COMMD4: variants seen among roughly 807,000 people sequenced by gnomAD.
COMMD4 encodes COMM domain containing 4.
Under a neutral mutation model 27.5 loss-of-function variants are expected in COMMD4, and 18 were observed. The ratio of observed to expected loss-of-function variants is 0.65; its 90% CI spans 0.45 to 0.97. The LOEUF (loss-of-function observed/expected upper bound fraction) is 0.97. COMMD4 is among the 50% of genes least tolerant of loss of function. The pLI is 0.00. For missense variants in COMMD4, 243 were observed against 250.0 expected (o/e 0.97, Z 0.19); for synonymous variants, 108 against 108.4 (o/e 1.00, Z 0.02).
At position 75,339,252 on chromosome 15, in the gene COMMD4, T is replaced by C; in HGVS notation, c.302-12T>C. On this transcript the variant is annotated splice_polypyrimidine_tract_variant and intron_variant, in intron 5 of 7. Coordinates refer to ENST00000267935, the MANE Select transcript of COMMD4 (RefSeq NM_017828.5). ...ACATGCTACCTCCAGAGCTACTCCATTCTACCCCCAGAGCACGCGGCCAGC... is the reference window on the plus strand; with the variant it reads ...ACATGCTACCTCCAGAGCTACTCCACTCTACCCCCAGAGCACGCGGCCAGC... The C allele has an allele frequency of 6.2e-7, 1 of 1,612,214 alleles. No individual in the cohort carries two copies.
rs1471390894 is a variant in COMMD4 at position 75,339,982 on chromosome 15, A to G, written c.577A>G (p.Thr193Ala). The change falls in exon 8 of 8, where the codon ACC (threonine) becomes GCC (alanine). Residue 193 changes from threonine to alanine, a missense_variant. Coordinates refer to ENST00000267935, the MANE Select transcript of COMMD4 (RefSeq NM_017828.5). ...VLLAELKQAQ[T>A]LMSSLG is the part of the protein sequence containing the mutation. ...CTCTGCAGAACTGAAGCAGGCCCAG[A>G]CCCTGATGAGCTCCCTGGGCTGAGG... 7.4e-6 allele frequency: 12 copies of G among 1,614,010 alleles called. No homozygotes were observed. Among genetic ancestry groups the G allele is most frequent in the Non-Finnish European group, 9.3e-6 (11 of 1,179,978 alleles).
downstream of COMMD4, chr15:75,342,712 T>C (rs910515293): frequency 9.9e-5 from 15 of 152,168 alleles, no homozygotes; most frequent in African/African-American, 3.6e-4. Flanking sequence ...CAGTTAATAA[T>C]GATGTATACT....
Position 75,339,767 on chromosome 15 carries a change from G to A in COMMD4, c.448G>A (p.Val150Met), listed in dbSNP as rs924476864. Reference sequence around the variant, plus strand: ...CCTGAGCTCCAGCCTGCTGCAATCCGTGGAAGAGCCCATGGTGCACCTGCG... The same window carrying A: ...CCTGAGCTCCAGCCTGCTGCAATCCATGGAAGAGCCCATGGTGCACCTGCG... Reference protein sequence around the residue: ...YTLSSSLLQSVEEPMVHLRLE... With the variant: ...YTLSSSLLQSMEEPMVHLRLE... The change falls in exon 7 of 8, where the codon GTG becomes ATG. Residue 150 changes from valine to methionine, a missense_variant. Coordinates refer to ENST00000267935, the MANE Select transcript of COMMD4 (RefSeq NM_017828.5). The A allele has an allele frequency of 8.1e-6, 13 of 1,613,888 alleles. No homozygotes were observed. Among genetic ancestry groups the A allele is most frequent in the African/African-American group, 4.0e-5 (3 of 74,932 alleles).
chr15:75,338,734 G>T lies in COMMD4; in HGVS notation c.181+49G>T, dbSNP rs561062451. On this transcript the variant is annotated intron_variant, in intron 4 of 7. Coordinates refer to ENST00000267935, the MANE Select transcript of COMMD4 (RefSeq NM_017828.5). ...GGCCCCAGGCAACCCTGGGAACTTG[G>T]CCTGGTGCCTGGTACAGAGGGGCCC... 44 of 1,590,270 alleles carry T rather than the reference G, an allele frequency of 2.8e-5. No individual in the cohort carries two copies. In the East Asian group the frequency reaches 9.5e-4, roughly 35 times the overall value.
At chr15:75,338,931 G>C (rs1212315030) in intron 4 of COMMD4, 54 bp from the exon 5 acceptor site, 9 of 1,613,388 alleles carry the variant, frequency 5.6e-6, no homozygotes, top group Admixed American at 3.3e-5. Context: ...TAGGGCAACA[G>C]GGAGGTGGCT....
At chr15:75,342,193 T>C (rs1218924566), downstream of COMMD4, 1 of 148,686 alleles carries the variant, frequency 6.7e-6, no homozygotes, top group Non-Finnish European at 1.5e-5. Flanking sequence ...TGATGCTAAG[T>C]GAAATAAGCC....
Position 75,339,229 on chromosome 15 carries a change from A to C in COMMD4, c.302-35A>C, listed in dbSNP as rs367657145. 2,238 of 1,611,700 alleles carry C rather than the reference A, an allele frequency of 1.4e-3. 3 individuals are homozygous for C. The highest frequency in any genetic ancestry group is 3.7e-3 in the Admixed American group (220 of 59,900). On this transcript the variant is annotated intron_variant, in intron 5 of 7. Transcript: ENST00000267935. ...CCAGGAGCCCAAGCCAGGCCCCGAC[A>C]TGCTACCTCCAGAGCTACTCCATTC...
chr15:75,340,771 G>A (rs1338350977), downstream of COMMD4: 2 of 151,466 alleles, frequency 1.3e-5, no homozygotes, highest in African/African-American at 4.9e-5. Flanking sequence ...CGAGTAGGTG[G>A]GATTACAGGC....
downstream of COMMD4, chr15:75,341,064 G>T (rs533521945): frequency 6.6e-6 from 1 of 152,380 alleles, no homozygotes; most frequent in East Asian, 1.9e-4. Flanking sequence ...TGAAGCCTCT[G>T]TCCACACATG....
At chr15:75,340,808 G>GTT (rs201776080), downstream of COMMD4, 96 of 113,360 alleles carry the variant, frequency 8.5e-4, no homozygotes, top group Admixed American at 2.3e-3. Context: ...GGCTAATTTT[G>GTT]TTTTTTTTTT....
chr15:75,341,457 C>T (rs1180951913), downstream of COMMD4: 1 of 152,200 alleles, frequency 6.6e-6, no homozygotes, highest in Non-Finnish European at 1.5e-5. Context: ...TTACTGACTC[C>T]ACTCCTGACT....
Position 75,338,106 on chromosome 15 carries a change from G to A in COMMD4, c.48G>A (p.Leu16=), listed in dbSNP as rs1567201695. 6.2e-7 allele frequency: 1 copy of A among 1,608,578 alleles called. No individual in the cohort carries two copies. The highest frequency in any genetic ancestry group is 1.1e-5 in the South Asian group (1 of 89,756). The stretch of plus-strand genomic sequence containing the variant: ...ATCTGGACTGTCCCGACTGGGTCCT[G>A]GCAGAAATCAGCACGCTGGCCAAGA... ...CGDLDCPDWV[L]AEISTLAKMS... Residue 16 remains leucine, a synonymous_variant, in exon 2 of 8, where the codon CTG becomes CTA. Transcript: ENST00000267935.
chr15:75,339,088 G>A lies in COMMD4; in HGVS notation c.285G>A (p.Gln95=). The A allele has an allele frequency of 6.2e-7, 1 of 1,613,546 alleles. No individual in the cohort carries two copies. Among genetic ancestry groups the A allele is most frequent in the South Asian group, 1.1e-5 (1 of 91,056 alleles). Residue 95 remains glutamine, a synonymous_variant, in exon 5 of 8, where the codon CAG becomes CAA. Transcript: ENST00000267935. ...AATCCTTGTCCAGTGAACTGCAGCAGCTGGGGCTGCCCAAAGGTACGGGTT... is the reference window on the plus strand; with the variant it reads ...AATCCTTGTCCAGTGAACTGCAGCAACTGGGGCTGCCCAAAGGTACGGGTT... ...DGESLSSELQ[Q]LGLPKEHAAS...
At chr15:75,339,522 T>A in intron 6 of COMMD4, 178 bp downstream of exon 6, 1 of 1,153,512 alleles carries the variant, frequency 8.7e-7, no homozygotes, top group Non-Finnish European at 1.2e-6. Flanking sequence ...CACTGAGGTC[T>A]GCTGTGGGTG....
downstream of COMMD4, chr15:75,343,097 G>A (rs142707285): frequency 9.8e-3 from 1,488 of 152,278 alleles, 14 homozygotes; most frequent in Middle Eastern, 0.027. Flanking sequence ...TGGGATTACA[G>A]GCATGAGCCA....
Position 75,338,052 on chromosome 15 carries a change from T to G in COMMD4, c.4-10T>G, listed in dbSNP as rs1567201378. The G allele has an allele frequency of 3.1e-6, 5 of 1,602,560 alleles. No homozygotes were observed. Among genetic ancestry groups the G allele is most frequent in the Non-Finnish European group, 8.5e-7 (1 of 1,174,412 alleles). Reference sequence around the variant, plus strand: ...CCTCCAGCCTGATTACCTGCCTCCCTCCCTTGCAGAGGTTCCGGTTCTGTG... The same window carrying G: ...CCTCCAGCCTGATTACCTGCCTCCCGCCCTTGCAGAGGTTCCGGTTCTGTG... On this transcript the variant is annotated splice_polypyrimidine_tract_variant and intron_variant, in intron 1 of 7. Coordinates refer to ENST00000267935, the MANE Select transcript of COMMD4 (RefSeq NM_017828.5).
In COMMD4 at chr15:75,338,931, G is replaced by A. The variant is rs1212315030; in HGVS notation, c.182-54G>A. The A allele has an allele frequency of 9.5e-5, 154 of 1,612,968 alleles. No individual in the cohort carries two copies. In the East Asian group the frequency reaches 3.1e-3, roughly 33 times the overall value. ...TTGAGCTAAAGTTAATAGGGCAACA[G>A]GGAGGTGGCTGGACCCACAGTGACA... On this transcript the variant is annotated intron_variant, in intron 4 of 7. Transcript: ENST00000267935.
downstream of COMMD4, among the ~76,000 whole-genome samples, chr15:75,340,593 C>T (rs2141300833): frequency 6.6e-6 from 1 of 152,246 alleles, no homozygotes; most frequent in Non-Finnish European, 1.5e-5. Context: ...GTTTCACTGC[C>T]ATCTTCTATT....
chr15:75,336,161 G>A (rs1333002876), intron 1 of COMMD4, 69 bp downstream of exon 1: 1 of 1,549,532 alleles, frequency 6.5e-7, no homozygotes, highest in Non-Finnish European at 8.7e-7. Flanking sequence ...AAGTGGCTCC[G>A]GAAACTGGGG....
Sources: allele counts gnomAD v4.1 joint callset (sites outside exome capture counted in the v4.1 genomes callset), GRCh38; gene constraint gnomAD v4.1.1; transcripts MANE v1.5; gene names NCBI Gene and HGNC (gene_info 2026-07-23, HGNC 2026-07-21).